HR: variants seen among roughly 807,000 people sequenced by gnomAD.
The protein encoded by HR is lysine-specific demethylase hairless.
HR carries 83 observed loss-of-function variants against 128.6 expected under a neutral mutation model. The ratio of observed to expected loss-of-function variants is 0.65; its 90% confidence interval spans 0.54 to 0.77. The LOEUF (loss-of-function observed/expected upper bound fraction) is 0.77, where lower values mean the gene tolerates loss of function less well. Ranked by LOEUF, HR falls within the 30% of genes least tolerant of loss-of-function variation. The pLI, the probability that HR is intolerant of heterozygous loss-of-function variation, is 0.00. For synonymous variants in HR, 681 were observed against 658.2 expected (o/e 1.03, Z -0.53); for missense variants, 1,490 against 1,574.6 (o/e 0.95, Z 0.91).
Position 22,120,830 on chromosome 8 carries a change from G to GAGGGGC in HR, c.2490_2495dup (p.Pro831_Leu832dup). 1 of 1,551,552 alleles carries GAGGGGC rather than the reference G, an allele frequency of 6.4e-7. No homozygotes were observed. Among genetic ancestry groups the GAGGGGC allele is most frequent in the Non-Finnish European group, 8.7e-7 (1 of 1,147,504 alleles). On this transcript the variant is annotated inframe_insertion, in exon 11 of 19. Transcript: ENST00000381418. The stretch of plus-strand genomic sequence containing the variant: ...GAGGCAGCCGGGGCCGCACTGGAGA[G>GAGGGGC]AGGGGCAGGCCCAGGCCCTTGCGCA...
At chr8:22,128,056 T>G (rs938141758) in intron 2 of HR, 4 of 622,106 alleles carry the variant, frequency 6.4e-6, no homozygotes, top group Non-Finnish European at 1.1e-5. Context: ...GTCTAAGAAC[T>G]AAAGAGTGAA....
In HR at chr8:22,120,515, G is replaced by C. The variant is rs376800273; in HGVS notation, c.2611-8C>G. On this transcript the variant is annotated splice_region_variant and splice_polypyrimidine_tract_variant and intron_variant, in intron 11 of 18. Coordinates refer to ENST00000381418, the MANE Select transcript of HR (RefSeq NM_005144.5). Reference sequence around the variant, plus strand: ...CCCTGACACCAACACAGGCTGTGGTGGGAAAGGAAGGAGGCCATGAGGAGA... The same window carrying C: ...CCCTGACACCAACACAGGCTGTGGTCGGAAAGGAAGGAGGCCATGAGGAGA... The C allele has an allele frequency of 5.0e-6, 8 of 1,613,450 alleles. No homozygotes were observed. The African/African-American group carries it at 9.3e-5, about 19-fold the overall frequency.
At chr8:22,121,019 C>T in intron 10 of HR, 46 bp downstream of exon 10, 2 of 1,612,850 alleles carry the variant, frequency 1.2e-6, no homozygotes, top group Non-Finnish European at 1.7e-6. Context: ...GCAGGCCCAG[C>T]CTCTGGTCCC....
chr8:22,130,179 G>T (rs1339728472), intron 1 of HR, among the ~76,000 whole-genome samples: 1 of 152,240 alleles, frequency 6.6e-6, no homozygotes, highest in Non-Finnish European at 1.5e-5. Context: ...CTGCCTTGGC[G>T]CGGTCCCTTC....
At chr8:22,128,495 T>G in intron 2 of HR, 64 bp downstream of exon 2, 1 of 1,602,664 alleles carries the variant, frequency 6.2e-7, no homozygotes, top group South Asian at 1.1e-5. Context: ...AAGGGCATCT[T>G]GGGGACCACC....
chr8:22,123,617 T>TGGGCCC, intron 6 of HR, 32 bp downstream of exon 6: 1 of 292,090 alleles, frequency 3.4e-6, no homozygotes, highest in Non-Finnish European at 6.2e-6. Flanking sequence ...GAGGGCTCCA[T>TGGGCCC]CCCGCCCTCC....
intron 16 of HR, 83 bp downstream of exon 16, chr8:22,118,867 A>T: frequency 2.5e-6 from 3 of 1,190,544 alleles, no homozygotes; most frequent in Non-Finnish European, 3.7e-6. Flanking sequence ...GAGCGAGCAC[A>T]TGGGACCGCA....
intron 13 of HR, 91 bp downstream of exon 13, chr8:22,120,013 G>A: frequency 1.5e-5 from 23 of 1,570,186 alleles, no homozygotes; most frequent in Non-Finnish European, 1.9e-5. Flanking sequence ...ACCACGGGGT[G>A]GGGGTTGGGG....
At chr8:22,122,464 C>T (rs760181522) in intron 8 of HR, 29 bp downstream of exon 8, 1 of 1,536,246 alleles carries the variant, frequency 6.5e-7, no homozygotes, top group Non-Finnish European at 8.9e-7. Flanking sequence ...AGGCACGATA[C>T]CCAACCGGTG....
Position 22,121,624 on chromosome 8 carries a change from C to T in HR, c.2192G>A (p.Ser731Asn), listed in dbSNP as rs777173407. The T allele has an allele frequency of 3.7e-6, 6 of 1,614,030 alleles. No homozygotes were observed. The African/African-American group carries it at 5.3e-5, about 14-fold the overall frequency. Residue 731 changes from serine to asparagine, a missense_variant, in exon 9 of 19, where the codon AGC (serine) becomes AAC (asparagine). Ser to Asn is a conservative substitution (Grantham distance 46). Around this residue, in one of 3 missense-constraint regions of HR, gnomAD observed 1,060 missense variants for 1,060.9 expected, o/e 1.00. Transcript: ENST00000381418. Reference protein sequence around the residue: ...SCNGDTHRTKSIKEETPDSAE... With the variant: ...SCNGDTHRTKNIKEETPDSAE... Reference sequence around the variant, plus strand: ...GAGGAGCCGCTCACCCTCTTTGATGCTCTTGGTCCTGTGGGTGTCGCCATT... The same window carrying T: ...GAGGAGCCGCTCACCCTCTTTGATGTTCTTGGTCCTGTGGGTGTCGCCATT...
chr8:22,123,600 TC>T (rs1049118647), intron 6 of HR, 48 bp downstream of exon 6: 2 of 1,485,836 alleles, frequency 1.3e-6, no homozygotes, highest in African/African-American at 1.4e-5. Context: ...CTTGCAGCAG[TC>T]CCCCTGAGGG....
Position 22,116,341 on chromosome 8 carries a change from C to A in HR, c.3466G>T (p.Gly1156Ter). 1 of 1,612,928 alleles carries A rather than the reference C, an allele frequency of 6.2e-7. No homozygotes were observed. The highest frequency in any genetic ancestry group is 8.5e-7 in the Non-Finnish European group (1 of 1,179,938). ...SALSAQLCHQ[G>*]PSLPPDCHLL... ...TGGCAGTCAGGGGGAAGGCTGGGTC[C>A]CTGGTGGCAGAGCTGAGCAGAGAGG... The change falls in exon 18 of 19, where the codon GGA becomes TGA. Residue 1156 changes from glycine to a stop codon, truncating the protein, a stop_gained. Transcript: ENST00000381418. LOFTEE classifies it high-confidence loss of function. The surrounding 1 kb of genome is among the most constrained non-coding windows in gnomAD (Gnocchi z 4.2).
Position 22,122,555 on chromosome 8 carries a change from G to C in HR, c.2059C>G (p.Arg687Gly), listed in dbSNP as rs201573819. 1.7e-5 allele frequency: 27 copies of C among 1,612,078 alleles called. No individual in the cohort carries two copies. The highest frequency in any genetic ancestry group is 2.3e-5 in the Non-Finnish European group (27 of 1,179,590). ...MHQVWVKFDIRGHCPCQADAR... is the reference protein window; with the variant it reads ...MHQVWVKFDIGGHCPCQADAR... ...TCAGCTTGGCAGGGGCAGTGCCCCC[G>C]GATATCAAACTTGACCCAGACCTGG... Residue 687 changes from arginine to glycine, a missense_variant, in exon 8 of 19, where the codon CGG (arginine) becomes GGG (glycine). Arg to Gly is a moderately radical substitution (Grantham distance 125, BLOSUM62 -2). Transcript: ENST00000381418.
intron 5 of HR, 64 bp downstream of exon 5, chr8:22,125,247 A>G: frequency 6.6e-7 from 1 of 1,504,060 alleles, no homozygotes; most frequent in Admixed American, 2.0e-5. Context: ...GGGTGGGGTC[A>G]GGGGAGGGAC....
rs1199863011 is a variant in HR at position 22,121,294 on chromosome 8, T to C, written c.2204-66A>G. On this transcript the variant is annotated intron_variant, in intron 9 of 18. Coordinates refer to ENST00000381418, the MANE Select transcript of HR (RefSeq NM_005144.5). ...CCTCCTCTTCCCCTCGAGGCCCTCT[T>C]GCCCATGCTGCTCTTCCCTCTCTTC... 8 of 1,569,772 alleles carry C rather than the reference T, an allele frequency of 5.1e-6. No homozygotes were observed. In the African/African-American group the frequency reaches 9.4e-5, roughly 19 times the overall value.
In HR at chr8:22,119,051, G is replaced by A; in HGVS notation, c.3112C>T (p.Leu1038=). 1.2e-6 allele frequency: 2 copies of A among 1,613,376 alleles called. No homozygotes were observed. The highest frequency in any genetic ancestry group is 1.1e-5 in the South Asian group (1 of 91,076). ...HRAQKDFLSG[L]DGEGLWSPGS... ...GGAGACCAGAGCCCCTCCCCGTCCA[G>A]GCCTGAAAGGAAGTCTGAGGAGGAA... Residue 1038 remains leucine (L), a synonymous_variant, in exon 16 of 19, where the codon CTG becomes TTG. Coordinates refer to ENST00000381418, the MANE Select transcript of HR (RefSeq NM_005144.5).
At position 22,123,726 on chromosome 8, in the gene HR, C is replaced by A. The variant is rs1303001164; in HGVS notation, c.1838G>T (p.Arg613Leu). ...CAGCCGGTGGCTGCAGCGGGGACAT[C>A]GCCAGTGGGTGTTGAAGAGTCCATG... Reference protein sequence around the residue: ...CHHGLFNTHWRCPRCSHRLCV... With the variant: ...CHHGLFNTHWLCPRCSHRLCV... The change falls in exon 6 of 19, where the codon CGA becomes CTA. Residue 613 changes from arginine (R) to leucine (L), a missense_variant. By Grantham distance (102) the Arg-to-Leu change is moderately radical (BLOSUM62 -2). Transcript: ENST00000381418. 1.9e-6 allele frequency: 3 copies of A among 1,588,182 alleles called. No homozygotes were observed. The highest frequency in any genetic ancestry group is 2.3e-5 in the East Asian group (1 of 44,176).
At chr8:22,129,864 C>G (rs985036425) in intron 1 of HR, among the ~76,000 whole-genome samples, 2 of 152,216 alleles carry the variant, frequency 1.3e-5, no homozygotes, top group Non-Finnish European at 2.9e-5. Flanking sequence ...TGCAGTTTCT[C>G]GGCTTCTCAA....
chr8:22,128,404 G>T, intron 2 of HR, 155 bp downstream of exon 2: 2 of 1,056,270 alleles, frequency 1.9e-6, no homozygotes, highest in Non-Finnish European at 2.8e-6. Context: ...GGCTTGCTTG[G>T]GGTTGACTGT....
Sources: gnomAD v4.1 joint callset for allele counts (sites outside exome capture counted in the v4.1 genomes callset) on GRCh38, gnomAD v4.1.1 for gene constraint, gnomAD v4.1.1 regional missense constraint, Gnocchi (gnomAD v3.1) non-coding constraint, MANE v1.5 for transcripts, NCBI Gene and HGNC (gene_info 2026-07-23, HGNC 2026-07-21) for gene names.